Variants in SDK2 observed in about 807,000 individuals in gnomAD.
SDK2 encodes sidekick cell adhesion molecule 2.
SDK2 carries 105 observed loss-of-function variants against 253.9 expected under a neutral mutation model. That is an observed-to-expected ratio of 0.41 (90% CI 0.35 to 0.49). SDK2 has a LOEUF of 0.49. Ranked by LOEUF, SDK2 falls within the 20% of genes least tolerant of loss-of-function variation. The pLI, the probability that SDK2 is intolerant of heterozygous loss-of-function variation, is 0.06. For synonymous variants in SDK2, 1,249 were observed against 1,234.9 expected (o/e 1.01, Z -0.24); for missense variants, 2,608 against 3,003.0 (o/e 0.87, Z 3.07).
At chr17:73,518,711 T>C (rs1354339933) in intron 1 of SDK2, 1 of 152,212 alleles carries the variant, frequency 6.6e-6, no homozygotes, top group Non-Finnish European at 1.5e-5. Flanking sequence ...CATTTTAGTG[T>C]ATTCAGATTC....
At chr17:73,419,086 C>T (rs2063206131) in intron 16 of SDK2, 80 bp downstream of exon 16, 4 of 1,504,304 alleles carry the variant, frequency 2.7e-6, no homozygotes, top group Middle Eastern at 1.7e-4. Context: ...TGAATTTGCA[C>T]TGTTTTCCAG....
chr17:73,561,154 G>A (rs1686119510), intron 1 of SDK2, among the ~76,000 whole-genome samples: 1 of 152,216 alleles, frequency 6.6e-6, no homozygotes, highest in Admixed American at 6.5e-5. Context: ...AGCTGTGCCC[G>A]AGATGGGGCC....
chr17:73,385,489 C>T (rs1036244167), intron 32 of SDK2, among the ~76,000 whole-genome samples: 1 of 152,134 alleles, frequency 6.6e-6, no homozygotes, highest in African/African-American at 2.4e-5. Context: ...CCCAAGGACT[C>T]AGCAGGCCTA....
intron 2 of SDK2, among the ~76,000 whole-genome samples, chr17:73,478,514 G>A (rs984730260): frequency 5.9e-5 from 9 of 152,170 alleles, no homozygotes; most frequent in African/African-American, 1.4e-4. Flanking sequence ...ATTTTAATCC[G>A]GCAGGACCCT....
chr17:73,459,265 C>T (rs1207512484), intron 3 of SDK2, among the ~76,000 whole-genome samples: 1 of 152,196 alleles, frequency 6.6e-6, no homozygotes, highest in African/African-American at 2.4e-5. Context: ...CCCTTCTGTC[C>T]ATCTTACACA....
chr17:73,343,560 C>T (rs1599466574), intron 44 of SDK2, among the ~76,000 whole-genome samples: 1 of 152,190 alleles, frequency 6.6e-6, no homozygotes, highest in South Asian at 2.1e-4. Flanking sequence ...CCTGCCAGGC[C>T]GCCAGGCAAT....
At chr17:73,449,045 G>A (rs905128346) in intron 4 of SDK2, among the ~76,000 whole-genome samples, 1 of 152,124 alleles carries the variant, frequency 6.6e-6, no homozygotes, top group Non-Finnish European at 1.5e-5. Context: ...GTGTGTTTTG[G>A]GGTGTGGTGA....
intron 1 of SDK2, among the ~76,000 whole-genome samples, chr17:73,638,155 C>A (rs1168042557): frequency 6.6e-6 from 1 of 152,158 alleles, no homozygotes; most frequent in Non-Finnish European, 1.5e-5. Flanking sequence ...GGGCGAGAGG[C>A]CTGGCAGGAA....
rs145196996 is a variant in SDK2, at chr17:73,431,664, G to A, written c.1318C>T (p.Arg440Cys). Residue 440 changes from arginine (R) to cysteine (C), a missense_variant, in exon 11 of 45, where the codon CGC (arginine) becomes TGC (cysteine). Around this residue, in one of 2 missense-constraint regions of SDK2, gnomAD observed 1,505 missense variants for 1,859.1 expected, o/e 0.81. Coordinates refer to ENST00000392650, the MANE Select transcript of SDK2 (RefSeq NM_001144952.2). The surrounding 1 kb of genome is among the most constrained non-coding windows in gnomAD (Gnocchi z 5.6). Reference sequence around the variant, plus strand: ...TGCACAGAGCCACTGGCCAAGATGCGCTCCCCTGAGGGCAAAACAGGGTGG... The same window carrying A: ...TGCACAGAGCCACTGGCCAAGATGCACTCCCCTGAGGGCAAAACAGGGTGG... ...RPAITWQKGE[R>C]ILASGSVQLP... 36 of 1,607,052 alleles carry A rather than the reference G, an allele frequency of 2.2e-5. No homozygotes were observed. Among genetic ancestry groups the A allele is most frequent in the Admixed American group, 3.4e-5 (2 of 59,416 alleles).
At chr17:73,394,382 G>C in intron 25 of SDK2, 58 bp from the exon 26 acceptor site, 1 of 1,202,938 alleles carries the variant, frequency 8.3e-7, no homozygotes, top group Non-Finnish European at 1.1e-6. Context: ...ACTGTGCAAG[G>C]GAAGTGGACC....
intron 1 of SDK2, among the ~76,000 whole-genome samples, chr17:73,619,170 A>G (rs994748057): frequency 5.3e-5 from 8 of 151,316 alleles, no homozygotes; most frequent in African/African-American, 1.9e-4. Flanking sequence ...CTGTCTCAAA[A>G]AAAAAAAAAA....
chr17:73,479,760 G>C (rs1295845919), intron 2 of SDK2, among the ~76,000 whole-genome samples: 1 of 152,074 alleles, frequency 6.6e-6, no homozygotes, highest in Non-Finnish European at 1.5e-5. Context: ...GCACAATCTC[G>C]GCTCACTGCA....
chr17:73,456,272 A>G (rs1477667349), intron 3 of SDK2, among the ~76,000 whole-genome samples: 3 of 152,082 alleles, frequency 2.0e-5, no homozygotes, highest in Admixed American at 2.0e-4. Context: ...ATATCCTTCA[A>G]TCGGCCAGTT....
At chr17:73,558,015 C>G (rs2045170958) in intron 1 of SDK2, among the ~76,000 whole-genome samples, 1 of 152,242 alleles carries the variant, frequency 6.6e-6, no homozygotes, top group Non-Finnish European at 1.5e-5. Flanking sequence ...TGTTCTAGGA[C>G]CCTCCTCACC....
chr17:73,405,750 C>T (rs569241956), intron 18 of SDK2, among the ~76,000 whole-genome samples: 30 of 148,998 alleles, frequency 2.0e-4, no homozygotes, highest in Non-Finnish European at 4.0e-4. Context: ...GACAGAGTCT[C>T]GCTCTGTCGC....
chr17:73,539,637 A>G lies in SDK2; in HGVS notation c.65-32040T>C, dbSNP rs116016958. Among the ~76,000 whole-genome samples, 632 of 152,334 alleles carry G rather than the reference A, an allele frequency of 4.1e-3. 4 individuals carry two copies. The highest frequency in any genetic ancestry group is 0.014 in the African/African-American group (562 of 41,568). On this transcript the variant is annotated intron_variant, in intron 1 of 44. Transcript: ENST00000392650. ...TGGCAGCAAGAGCTTTGTTATGGGT[A>G]AAATTGAGTCCCACCAGAAGATACA... is the stretch of plus-strand genomic sequence containing the variant.
chr17:73,365,473 G>A (rs1228994241), intron 37 of SDK2, 78 bp from the exon 38 acceptor site: 31 of 1,441,526 alleles, frequency 2.2e-5, no homozygotes, highest in Non-Finnish European at 2.6e-5. Flanking sequence ...CAAGGAGCTA[G>A]CGGGAGTATT....
chr17:73,584,616 C>T (rs200238206), intron 1 of SDK2, among the ~76,000 whole-genome samples: 2 of 152,226 alleles, frequency 1.3e-5, no homozygotes, highest in African/African-American at 4.8e-5. Flanking sequence ...AGGCCCTGAG[C>T]TCCAGATGAA....
At position 73,419,324 on chromosome 17, in the gene SDK2, A is replaced by G; in HGVS notation, c.2046-18T>C. 1 of 1,608,306 alleles carries G rather than the reference A, an allele frequency of 6.2e-7. No individual in the cohort carries two copies. Among genetic ancestry groups the G allele is most frequent in the South Asian group, 1.1e-5 (1 of 89,996 alleles). On this transcript the variant is annotated intron_variant, in intron 15 of 44. Transcript: ENST00000392650. ...GGGAGACCCTGGATCACAAAACACC[A>G]ATGCTCTTAGTCTTGGGGTCAAACA...
Sources: allele counts gnomAD v4.1 joint callset (sites outside exome capture counted in the v4.1 genomes callset), GRCh38; gene constraint gnomAD v4.1.1; regional missense constraint gnomAD v4.1.1; non-coding constraint Gnocchi (gnomAD v3.1); transcripts MANE v1.5; gene names NCBI Gene and HGNC (gene_info 2026-07-23, HGNC 2026-07-21).